KHDRBS3: variants seen among roughly 807,000 people sequenced by gnomAD.
KHDRBS3 encodes KH RNA binding domain containing, signal transduction associated 3.
KHDRBS3 carries 23 observed loss-of-function variants against 45.6 expected under a neutral mutation model. That is an observed-to-expected ratio of 0.50 (90% CI 0.36 to 0.72). The LOEUF is 0.72. KHDRBS3 is among the 30% of genes least tolerant of loss of function. The pLI, the probability that KHDRBS3 is intolerant of heterozygous loss-of-function variation, is 0.00. For synonymous variants in KHDRBS3, 162 were observed against 156.5 expected, an observed-to-expected ratio of 1.04 and a Z score of -0.26; for missense variants, 352 against 424.8, an observed-to-expected ratio of 0.83 and a Z score of 1.51.
At chr8:135,468,019 C>T (rs1350297220) in intron 1 of KHDRBS3, among the ~76,000 whole-genome samples, 1 of 152,136 alleles carries the variant, frequency 6.6e-6, no homozygotes, top group Non-Finnish European at 1.5e-5. Context: ...CCTTCTTTCT[C>T]CCTCTTTCTC....
intron 1 of KHDRBS3, among the ~76,000 whole-genome samples, chr8:135,464,492 T>C (rs1454027124): frequency 1.3e-5 from 2 of 152,294 alleles, no homozygotes; most frequent in Admixed American, 6.5e-5. Flanking sequence ...ACAAAAACAG[T>C]CGAGAGTATG....
intron 2 of KHDRBS3, chr8:135,541,694 G>A (rs1035169935): frequency 6.6e-6 from 1 of 152,186 alleles, no homozygotes; most frequent in African/African-American, 2.4e-5. Context: ...AAGGCGAACA[G>A]CTTCCTCCCT....
At chr8:135,645,761 G>A (rs761289860) in intron 8 of KHDRBS3, among the ~76,000 whole-genome samples, 2 of 152,174 alleles carry the variant, frequency 1.3e-5, no homozygotes, top group Non-Finnish European at 2.9e-5. Context: ...CAACATAATG[G>A]TAGTAAGAAG....
chr8:135,538,636 A>T (rs1230499915), intron 2 of KHDRBS3: 1 of 152,198 alleles, frequency 6.6e-6, no homozygotes, highest in Non-Finnish European at 1.5e-5. Flanking sequence ...TTTATAAGCC[A>T]CACCTGGTAA....
chr8:135,531,036 GT>G (rs1825448662), intron 2 of KHDRBS3, among the ~76,000 whole-genome samples: 2 of 152,282 alleles, frequency 1.3e-5, no homozygotes, highest in African/African-American at 4.8e-5. Flanking sequence ...ACGGTTTCAT[GT>G]TTATGGGCTT....
intron 1 of KHDRBS3, among the ~76,000 whole-genome samples, chr8:135,488,853 A>G (rs1297887827): frequency 6.6e-6 from 1 of 152,222 alleles, no homozygotes; most frequent in African/African-American, 2.4e-5. Context: ...TGCCTTGCTT[A>G]ATAAGTGATG....
At chr8:135,590,950 A>G (rs1056451771) in intron 6 of KHDRBS3, among the ~76,000 whole-genome samples, 2 of 152,336 alleles carry the variant, frequency 1.3e-5, no homozygotes, top group African/African-American at 2.4e-5. Flanking sequence ...TTTAAAGGTA[A>G]GTATGGTAGG....
intron 6 of KHDRBS3, among the ~76,000 whole-genome samples, chr8:135,593,753 C>T (rs1828854170): frequency 6.6e-6 from 1 of 152,188 alleles, no homozygotes; most frequent in Non-Finnish European, 1.5e-5. Context: ...GCTGGGATTA[C>T]AGGTGTGAGC....
intron 1 of KHDRBS3, among the ~76,000 whole-genome samples, chr8:135,477,904 A>G (rs1822372046): frequency 6.6e-6 from 1 of 152,192 alleles, no homozygotes; most frequent in Non-Finnish European, 1.5e-5. Context: ...GTATCTGTCC[A>G]TGGCTTGTAA....
At chr8:135,475,969 ATGG>A (rs1822260058) in intron 1 of KHDRBS3, among the ~76,000 whole-genome samples, 1 of 152,142 alleles carries the variant, frequency 6.6e-6, no homozygotes, top group Non-Finnish European at 1.5e-5. Context: ...GAGGGGCCTT[ATGG>A]AGTTACTTTG....
At chr8:135,463,257 C>T (rs1563694743) in intron 1 of KHDRBS3, among the ~76,000 whole-genome samples, 3 of 152,170 alleles carry the variant, frequency 2.0e-5, no homozygotes, top group South Asian at 2.1e-4. Context: ...TTCAGTGTTA[C>T]GTGTTAATTA....
intron 1 of KHDRBS3, among the ~76,000 whole-genome samples, chr8:135,483,727 T>C (rs1267751486): frequency 6.6e-6 from 1 of 152,196 alleles, no homozygotes; most frequent in Non-Finnish European, 1.5e-5. Context: ...TGCCGTCTCT[T>C]GCAGGGCTGA....
chr8:135,603,602 C>G (rs904590510), intron 6 of KHDRBS3, among the ~76,000 whole-genome samples: 3 of 152,146 alleles, frequency 2.0e-5, no homozygotes, highest in Non-Finnish European at 4.4e-5. Flanking sequence ...ATTATACATT[C>G]TCATCAAAGT....
At chr8:135,647,997 A>G (rs1388602097), downstream of KHDRBS3, 2 of 152,208 alleles carry the variant, frequency 1.3e-5, no homozygotes, top group African/African-American at 4.8e-5. Context: ...TACCTTAATG[A>G]ACACCTCGCT....
At chr8:135,516,942 CTT>C (rs953585957) in intron 1 of KHDRBS3, among the ~76,000 whole-genome samples, 2 of 150,626 alleles carry the variant, frequency 1.3e-5, no homozygotes, top group African/African-American at 2.5e-5. Context: ...ATATTGGAAA[CTT>C]AACTTATTTA....
intron 7 of KHDRBS3, among the ~76,000 whole-genome samples, chr8:135,615,015 A>T (rs542968713): frequency 3.0e-4 from 45 of 151,786 alleles, no homozygotes; most frequent in Non-Finnish European, 3.4e-4. Context: ...AACTGACCTA[A>T]CAGGATTCTT....
At chr8:135,592,673 GAAAAAAGTT>G (rs1353301774) in intron 6 of KHDRBS3, among the ~76,000 whole-genome samples, 2 of 152,062 alleles carry the variant, frequency 1.3e-5, no homozygotes, top group African/African-American at 4.8e-5. Flanking sequence ...GTACCCAAAG[GAAAAAAGTT>G]TTTTGACATG....
chr8:135,580,799 G>C (rs1828169052), intron 5 of KHDRBS3, among the ~76,000 whole-genome samples: 1 of 151,978 alleles, frequency 6.6e-6, no homozygotes, highest in Non-Finnish European at 1.5e-5. Flanking sequence ...TTTTAGTAGA[G>C]ATGGAGTTTT....
intron 1 of KHDRBS3, among the ~76,000 whole-genome samples, chr8:135,512,431 G>GGGA (rs1554620135): frequency 7.3e-6 from 1 of 136,184 alleles, no homozygotes; most frequent in African/African-American, 2.7e-5. Context: ...GGAAAAGTCG[G>GGGA]GGGGGGGGTA....
Sources: allele counts gnomAD v4.1 joint callset (sites outside exome capture counted in the v4.1 genomes callset), GRCh38; gene constraint gnomAD v4.1.1; transcripts MANE v1.5; gene names NCBI Gene and HGNC (gene_info 2026-07-23, HGNC 2026-07-21).